VRK2: variants seen among roughly 807,000 people sequenced by gnomAD.
The protein encoded by VRK2 is serine/threonine-protein kinase VRK2.
Under a neutral mutation model 57.6 loss-of-function variants are expected in VRK2, and 60 were observed. The observed-to-expected ratio is 1.04, with a 90% confidence interval of 0.85 to 1.29. The LOEUF is 1.29. VRK2 is among the 50% of genes most tolerant of loss of function. The probability of loss-of-function intolerance (pLI) is 0.00; values close to 1 mark genes in which losing one functional copy is unlikely to be tolerated. For synonymous variants in VRK2, 231 were observed against 199.2 expected, an observed-to-expected ratio of 1.16 and a Z score of -1.35; for missense variants, 705 against 588.1, an observed-to-expected ratio of 1.20 and a Z score of -2.06.
intron 1 of VRK2, among the ~76,000 whole-genome samples, chr2:58,017,488 T>C (rs1018508213): frequency 2.0e-5 from 3 of 152,206 alleles, no homozygotes; most frequent in African/African-American, 7.2e-5. Flanking sequence ...GCAGATTTTG[T>C]AGGGGCAATT....
rs186266076 is a variant in VRK2, at chr2:58,137,495, A to G, written c.857-2171A>G. Among the ~76,000 whole-genome samples the G allele has an allele frequency of 1.1e-4, 17 of 152,006 alleles. 1 individual carries two copies. The East Asian group carries it at 3.1e-3, about 28-fold the overall frequency. On this transcript the variant is annotated intron_variant, in intron 10 of 12. Coordinates refer to ENST00000340157, the MANE Select transcript of VRK2 (RefSeq NM_006296.7). ...GCACAAACCATTTTATTGAATCCAT[A>G]CTATTATTTATAAAATGCAGATTTC... is the stretch of plus-strand genomic sequence containing the variant.
intron 1 of VRK2, chr2:58,047,388 C>T (rs1674987112): frequency 1.0e-6 from 1 of 984,764 alleles, no homozygotes; most frequent in Non-Finnish European, 1.2e-6. Context: ...TACCCAGAAG[C>T]CGAAGGGACA....
chr2:57,931,167 C>T (rs186161567), intron 1 of VRK2, among the ~76,000 whole-genome samples: 12 of 152,042 alleles, frequency 7.9e-5, no homozygotes, highest in East Asian at 7.7e-4. Context: ...AGTAATAAGA[C>T]GGCTGGACCA....
At chr2:58,157,585 G>A (rs1684122021) in intron 12 of VRK2, among the ~76,000 whole-genome samples, 1 of 152,166 alleles carries the variant, frequency 6.6e-6, no homozygotes, top group Non-Finnish European at 1.5e-5. Flanking sequence ...TCAAAGTGGG[G>A]TGTGCAGACC....
chr2:57,919,044 A>G (rs1485255542), intron 1 of VRK2, among the ~76,000 whole-genome samples: 1 of 152,124 alleles, frequency 6.6e-6, no homozygotes, highest in Non-Finnish European at 1.5e-5. Flanking sequence ...TTTGGTTTGC[A>G]AAGTATAAAA....
rs1159614407 is a variant in VRK2 at position 57,933,631 on chromosome 2, T to A, written c.-439+25792T>A. 2.7e-5 allele frequency among the ~76,000 whole-genome samples: 4 copies of A among 150,202 alleles called. No individual in the cohort carries two copies. The East Asian group carries it at 7.8e-4, about 29-fold the overall frequency. On this transcript the variant is annotated intron_variant, in intron 1 of 15. Transcript: ENST00000417641. The stretch of plus-strand genomic sequence containing the variant: ...TCTATTTCCTTCTTAAGATTTTAAG[T>A]GAGTCTTAGCCTGTAGTTGAGTTTT...
intron 10 of VRK2, among the ~76,000 whole-genome samples, chr2:58,139,412 C>A (rs886671747): frequency 6.6e-6 from 1 of 152,008 alleles, no homozygotes; most frequent in African/African-American, 2.4e-5. Flanking sequence ...CTCATAAGAT[C>A]AGTGAATTAT....
intron 2 of VRK2, among the ~76,000 whole-genome samples, chr2:58,027,493 T>C (rs1477693325): frequency 2.6e-5 from 4 of 152,202 alleles, no homozygotes; most frequent in Admixed American, 2.0e-4. Flanking sequence ...ACTTAACAAA[T>C]ATATGATTTT....
At chr2:57,997,468 A>C (rs1038075104) in intron 1 of VRK2, among the ~76,000 whole-genome samples, 1 of 152,202 alleles carries the variant, frequency 6.6e-6, no homozygotes, top group Non-Finnish European at 1.5e-5. Context: ...TTTAAGTTAC[A>C]AAGTTAAAGT....
chr2:57,985,031 T>C (rs941047402), intron 1 of VRK2, among the ~76,000 whole-genome samples: 1 of 152,032 alleles, frequency 6.6e-6, no homozygotes, highest in Non-Finnish European at 1.5e-5. Context: ...AAATTTGTTA[T>C]ATTATTCTCT....
intron 1 of VRK2, among the ~76,000 whole-genome samples, chr2:58,021,165 C>T (rs1175318955): frequency 1.3e-5 from 2 of 152,148 alleles, no homozygotes; most frequent in Non-Finnish European, 2.9e-5. Flanking sequence ...AAAAATCACA[C>T]ATAATGCTAA....
intron 1 of VRK2, among the ~76,000 whole-genome samples, chr2:57,909,614 T>C (rs1669925777): frequency 6.6e-6 from 1 of 152,180 alleles, no homozygotes; most frequent in Non-Finnish European, 1.5e-5. Flanking sequence ...GAAATAATTA[T>C]CCTTTGGTAA....
At chr2:57,990,575 A>G (rs948319300) in intron 1 of VRK2, among the ~76,000 whole-genome samples, 1 of 152,230 alleles carries the variant, frequency 6.6e-6, no homozygotes, top group Non-Finnish European at 1.5e-5. Flanking sequence ...CCTAAGCCTA[A>G]TATTGAAGTA....
chr2:58,119,110 CT>C (rs1677003266), intron 7 of VRK2, among the ~76,000 whole-genome samples: 1 of 152,148 alleles, frequency 6.6e-6, no homozygotes, highest in African/African-American at 2.4e-5. Flanking sequence ...GATGGCTTGG[CT>C]TGGGCTCAGA....
At position 58,139,902 on chromosome 2, in the gene VRK2, T is replaced by C. The variant is rs1681073020; in HGVS notation, c.1023+70T>C. On this transcript the variant is annotated intron_variant, in intron 11 of 12. Transcript: ENST00000340157. Reference sequence around the variant, plus strand: ...ACTTTTCTATCGAATGAAATTGTTTTAGGTCTCAAAATGAGTCTGACAGCT... The same window carrying C: ...ACTTTTCTATCGAATGAAATTGTTTCAGGTCTCAAAATGAGTCTGACAGCT... 12 of 1,481,100 alleles carry C rather than the reference T, an allele frequency of 8.1e-6. No homozygotes were observed. The East Asian group carries it at 2.8e-4, about 34-fold the overall frequency. 91.7% of individuals were successfully genotyped at this position (1,481,100 alleles called of 1,614,324 possible).
rs114812837 is a variant in VRK2 at position 58,141,935 on chromosome 2, G to C, written c.1023+2103G>C. On this transcript the variant is annotated intron_variant, in intron 11 of 12. Transcript: ENST00000340157. ...ATTTCTTTTTAGTCACAGACAGAAT[G>C]CTCTTATTAGTAACTAAAATCGTTT... Among the ~76,000 whole-genome samples the C allele has an allele frequency of 5.2e-3, 798 of 152,014 alleles. 11 individuals carry two copies. The highest frequency in any genetic ancestry group is 0.018 in the African/African-American group (752 of 41,512).
At chr2:57,998,181 C>A (rs1207218123) in intron 1 of VRK2, among the ~76,000 whole-genome samples, 1 of 152,132 alleles carries the variant, frequency 6.6e-6, no homozygotes, top group African/African-American at 2.4e-5. Context: ...AAAAGCCTTT[C>A]TGCCCTGTTT....
intron 10 of VRK2, among the ~76,000 whole-genome samples, chr2:58,136,213 C>A (rs954778037): frequency 6.6e-6 from 1 of 152,076 alleles, no homozygotes; most frequent in Admixed American, 6.6e-5. Context: ...TAAGCCTATC[C>A]CCACATGAGT....
At chr2:58,087,031 A>G (rs946524840) in intron 5 of VRK2, among the ~76,000 whole-genome samples, 19 of 152,232 alleles carry the variant, frequency 1.2e-4, no homozygotes, top group African/African-American at 4.6e-4. Flanking sequence ...AGCACAACAA[A>G]TAAGTTATAG....
Sources: gnomAD v4.1 joint callset for allele counts (sites outside exome capture counted in the v4.1 genomes callset) on GRCh38, gnomAD v4.1.1 for gene constraint, MANE v1.5 for transcripts, NCBI Gene and HGNC (gene_info 2026-07-23, HGNC 2026-07-21) for gene names.